TET3: variants seen among roughly 807,000 people sequenced by gnomAD.
TET3 encodes the protein tet methylcytosine dioxygenase 3.
Under a neutral mutation model 141.4 loss-of-function variants are expected in TET3, and 19 were observed. The ratio of observed to expected loss-of-function variants is 0.13; its 90% CI spans 0.09 to 0.20. The LOEUF is 0.20. TET3 is among the 10% of genes least tolerant of loss of function. The pLI, the probability that TET3 is intolerant of heterozygous loss-of-function variation, is 1.00. For synonymous variants in TET3, 1,043 were observed against 980.9 expected, an observed-to-expected ratio of 1.06 and a Z score of -1.18; for missense variants, 1,874 against 2,356.9, an observed-to-expected ratio of 0.80 and a Z score of 4.24.
chr2:74,002,510 C>T (rs913001387), intron 2 of TET3, among the ~76,000 whole-genome samples: 2 of 152,034 alleles, frequency 1.3e-5, no homozygotes, highest in Non-Finnish European at 2.9e-5. Context: ...TGGGATGCCC[C>T]AGCCTGCCGG....
the TET3 span, among the ~76,000 whole-genome samples, chr2:74,123,597 C>T: frequency 1.4e-4 from 22 of 152,304 alleles, no homozygotes; most frequent in South Asian, 3.5e-3. Flanking sequence ...GGCGTGATCT[C>T]GGCTCGCTAC....
the TET3 span, among the ~76,000 whole-genome samples, chr2:74,128,869 A>G: frequency 6.6e-6 from 1 of 151,560 alleles, no homozygotes; most frequent in Non-Finnish European, 1.5e-5. Context: ...GTGCACACCT[A>G]TACTCCCAGC....
At chr2:74,113,315 C>G in the TET3 span, among the ~76,000 whole-genome samples, 5 of 151,804 alleles carry the variant, frequency 3.3e-5, no homozygotes, top group Non-Finnish European at 5.9e-5. Flanking sequence ...GAACCCGGGA[C>G]GTGGAGGTTG....
In TET3 at chr2:74,107,264, C is replaced by T. The variant is rs1691550135; in HGVS notation, c.*5088C>T. 6.6e-6 allele frequency: 1 copy of T among 152,280 alleles called. No individual in the cohort carries two copies. 9.4% of individuals were successfully genotyped at this position (152,280 alleles called of 1,614,324 possible). A position where few individuals can be genotyped will look rare whatever the true frequency, so the allele number is the denominator to read the frequency against. On this transcript the variant is annotated 3_prime_UTR_variant, in exon 12 of 12. Coordinates refer to ENST00000409262, the MANE Select transcript of TET3 (RefSeq NM_001287491.2). ...CAGGCAAGAGCAGAGCAATAGGCTT[C>T]TCCCCTGAGCAGAGACCGCAGCACA... is the stretch of plus-strand genomic sequence containing the variant.
intron 4 of TET3, among the ~76,000 whole-genome samples, chr2:74,049,199 T>A (rs116373679): frequency 1.1e-3 from 164 of 152,112 alleles, no homozygotes; most frequent in Middle Eastern, 6.8e-3. Context: ...GGTCTCTGCC[T>A]GGGGGTGGTG....
the TET3 span, among the ~76,000 whole-genome samples, chr2:74,116,545 G>GGT: frequency 1.3e-5 from 2 of 151,580 alleles, no homozygotes; most frequent in African/African-American, 2.4e-5. Flanking sequence ...TGGGTGTGGT[G>GGT]GTGTGTGTGT....
At chr2:74,032,719 G>T (rs186833492) in intron 3 of TET3, among the ~76,000 whole-genome samples, 128 of 152,236 alleles carry the variant, frequency 8.4e-4, no homozygotes, top group Non-Finnish European at 1.3e-3. Flanking sequence ...GCTCTGGGCC[G>T]CAGATCAAGA....
chr2:74,099,981 C>T (rs985950419), intron 11 of TET3, among the ~76,000 whole-genome samples: 6 of 152,162 alleles, frequency 3.9e-5, no homozygotes, highest in African/African-American at 1.2e-4. Flanking sequence ...GGCTTATGGG[C>T]GGAGACGGTT....
At chr2:74,080,949 C>G (rs775402256) in intron 6 of TET3, among the ~76,000 whole-genome samples, 3 of 152,186 alleles carry the variant, frequency 2.0e-5, no homozygotes, top group Non-Finnish European at 4.4e-5. Flanking sequence ...GCTGTCATGA[C>G]CCGTTGATGG....
intron 3 of TET3, among the ~76,000 whole-genome samples, chr2:74,029,667 T>A (rs1300387532): frequency 6.6e-6 from 1 of 152,220 alleles, no homozygotes; most frequent in African/African-American, 2.4e-5. Flanking sequence ...TACATCTTTT[T>A]TATTCTCCAC....
chr2:74,110,030 A>T (rs370954867), downstream of TET3, among the ~76,000 whole-genome samples: 14 of 152,280 alleles, frequency 9.2e-5, no homozygotes, highest in Admixed American at 6.5e-4. Context: ...AGGATAAAAA[A>T]ATTGCTACAG....
chr2:74,014,604 T>C (rs1267386769), intron 3 of TET3, among the ~76,000 whole-genome samples: 1 of 152,200 alleles, frequency 6.6e-6, no homozygotes, highest in Non-Finnish European at 1.5e-5. Flanking sequence ...TTGAATTTAT[T>C]GCCTAGGATT....
intron 3 of TET3, among the ~76,000 whole-genome samples, chr2:74,015,716 A>G (rs955169273): frequency 2.6e-5 from 4 of 152,114 alleles, no homozygotes; most frequent in Non-Finnish European, 5.9e-5. Context: ...TTGGTTACTT[A>G]AGTGTTTGTA....
the TET3 span, among the ~76,000 whole-genome samples, chr2:74,131,880 C>A: frequency 6.6e-6 from 1 of 151,232 alleles, no homozygotes; most frequent in Non-Finnish European, 1.5e-5. Context: ...GATTCCTCTC[C>A]CAACTTTCCT....
At chr2:74,092,363 A>G (rs907637232) in intron 8 of TET3, among the ~76,000 whole-genome samples, 2 of 152,046 alleles carry the variant, frequency 1.3e-5, no homozygotes, top group Non-Finnish European at 2.9e-5. Flanking sequence ...TGTGAATAAC[A>G]TTACGTAGTA....
At chr2:74,134,284 T>C in the TET3 span, among the ~76,000 whole-genome samples, 5 of 152,208 alleles carry the variant, frequency 3.3e-5, no homozygotes, top group Non-Finnish European at 7.3e-5. Context: ...TTCTCTGTTT[T>C]GTCCCAACCT....
At chr2:74,099,178 G>C in intron 10 of TET3, 98 bp from the exon 11 acceptor site, 2 of 1,109,972 alleles carry the variant, frequency 1.8e-6, no homozygotes, top group East Asian at 2.6e-5. Context: ...GGATTGTGTG[G>C]GGAAAGATGA....
At chr2:74,076,586 T>A (rs1002109579) in intron 5 of TET3, among the ~76,000 whole-genome samples, 1 of 151,952 alleles carries the variant, frequency 6.6e-6, no homozygotes. Flanking sequence ...CCCCACTGAT[T>A]GTATTTTGTG....
chr2:74,025,829 C>T (rs777641227), intron 3 of TET3, among the ~76,000 whole-genome samples: 2 of 151,962 alleles, frequency 1.3e-5, no homozygotes, highest in East Asian at 1.9e-4. Flanking sequence ...TTTGGCCAGG[C>T]GCTGTGGCTC....
Sources: gnomAD v4.1 joint callset for allele counts (sites outside exome capture counted in the v4.1 genomes callset) on GRCh38, gnomAD v4.1.1 for gene constraint, MANE v1.5 for transcripts, NCBI Gene and HGNC (gene_info 2026-07-23, HGNC 2026-07-21) for gene names.